HAT1: variants seen among roughly 807,000 people sequenced by gnomAD.
The protein encoded by HAT1 is histone acetyltransferase 1.
In HAT1, 20 loss-of-function variants were observed where a neutral mutation model predicts 56.6. The ratio of observed to expected loss-of-function variants is 0.35; its 90% CI spans 0.25 to 0.51. The LOEUF is 0.51. HAT1 is among the 20% of genes least tolerant of loss of function. The pLI is 0.95. For missense variants in HAT1, 408 were observed against 504.3 expected, an observed-to-expected ratio of 0.81 and a Z score of 1.83; for synonymous variants, 146 against 165.5, an observed-to-expected ratio of 0.88 and a Z score of 0.91.
rs142896341 is a variant in HAT1 at position 171,979,066 on chromosome 2, T to C, written c.976-181T>C. On this transcript the variant is annotated intron_variant, in intron 9 of 10. Transcript: ENST00000264108. Reference sequence around the variant, plus strand: ...TGATCGTGCCACATTAAATTATCCATACCATAATCATTTGTGTTACCCACT... The same window carrying C: ...TGATCGTGCCACATTAAATTATCCACACCATAATCATTTGTGTTACCCACT... Among the ~76,000 whole-genome samples the C allele has an allele frequency of 2.6e-5, 4 of 152,240 alleles. No homozygotes were observed. In the South Asian group the frequency reaches 8.3e-4, roughly 32 times the overall value.
At chr2:171,946,512 A>G (rs1191581588) in intron 2 of HAT1, among the ~76,000 whole-genome samples, 196 bp from the exon 3 acceptor site, 1 of 152,222 alleles carries the variant, frequency 6.6e-6, no homozygotes, top group African/African-American at 2.4e-5. Context: ...ACTCAAAGTA[A>G]TATTTTAATT....
intron 2 of HAT1, among the ~76,000 whole-genome samples, chr2:171,945,610 C>T (rs971085610): frequency 2.6e-5 from 4 of 151,664 alleles, no homozygotes; most frequent in African/African-American, 9.7e-5. Flanking sequence ...TCTCCTGCCT[C>T]AGCCCTCTAA....
chr2:171,959,918 C>T (rs949324093), intron 4 of HAT1, among the ~76,000 whole-genome samples: 2 of 152,162 alleles, frequency 1.3e-5, no homozygotes, highest in Non-Finnish European at 2.9e-5. Context: ...TACAAAGGCT[C>T]TAAAAATACA....
chr2:171,925,321 C>T (rs1181980929), intron 1 of HAT1, among the ~76,000 whole-genome samples: 1 of 152,200 alleles, frequency 6.6e-6, no homozygotes, highest in African/African-American at 2.4e-5. Flanking sequence ...CCACCCACCT[C>T]AGCCTCCCAG....
chr2:171,966,733 GA>G (rs1687691788), intron 7 of HAT1, 109 bp from the exon 8 acceptor site: 11 of 648,692 alleles, frequency 1.7e-5, no homozygotes, highest in South Asian at 6.0e-5. Flanking sequence ...AAGGTGGATT[GA>G]AAAAAAGATC....
chr2:171,983,476 T>C lies in HAT1; in HGVS notation c.*124T>C, dbSNP rs990003746. Reference sequence around the variant, plus strand: ...TATACTAAAAGTTATCTATCTTTAGTTGAATATTTTCTTTTGGAGAGATTG... The same window carrying C: ...TATACTAAAAGTTATCTATCTTTAGCTGAATATTTTCTTTTGGAGAGATTG... On this transcript the variant is annotated 3_prime_UTR_variant, in exon 11 of 11. Transcript: ENST00000264108. 6 of 486,878 alleles carry C rather than the reference T, an allele frequency of 1.2e-5. No individual in the cohort carries two copies. Among genetic ancestry groups the C allele is most frequent in the African/African-American group, 2.0e-5 (1 of 50,278 alleles). The allele number at this position is 486,878 out of a possible 1,614,324, so 30.2% of individuals were successfully genotyped here. A position where few individuals can be genotyped will look rare whatever the true frequency, so the allele number is the denominator to read the frequency against.
chr2:171,960,631 T>C (rs1297095886), intron 4 of HAT1, among the ~76,000 whole-genome samples: 1 of 152,202 alleles, frequency 6.6e-6, no homozygotes, highest in African/African-American at 2.4e-5. Context: ...CTAGCCACCA[T>C]CTTTAAAGGA....
chr2:171,964,612 T>A (rs1414198105), intron 4 of HAT1, among the ~76,000 whole-genome samples: 1 of 152,100 alleles, frequency 6.6e-6, no homozygotes, highest in African/African-American at 2.4e-5. Flanking sequence ...TTCAATCAAG[T>A]GGTCTTTTGG....
intron 4 of HAT1, among the ~76,000 whole-genome samples, chr2:171,953,374 A>G (rs1163758885): frequency 6.6e-6 from 1 of 151,902 alleles, no homozygotes; most frequent in Non-Finnish European, 1.5e-5. Flanking sequence ...CAATAAACAA[A>G]TAGTTTCTAA....
At chr2:171,930,838 C>A (rs1233127676) in intron 2 of HAT1, among the ~76,000 whole-genome samples, 5 of 151,762 alleles carry the variant, frequency 3.3e-5, no homozygotes, top group Admixed American at 3.3e-4. Flanking sequence ...TGGTCTTGAA[C>A]TCCTGGGCTC....
At chr2:171,950,215 C>A (rs1208146597) in intron 3 of HAT1, among the ~76,000 whole-genome samples, 1 of 152,160 alleles carries the variant, frequency 6.6e-6, no homozygotes, top group Non-Finnish European at 1.5e-5. Flanking sequence ...GTTGCCCAGG[C>A]TGGAATGCAG....
At chr2:171,942,571 T>G (rs1687043847) in intron 2 of HAT1, among the ~76,000 whole-genome samples, 1 of 152,216 alleles carries the variant, frequency 6.6e-6, no homozygotes, top group Non-Finnish European at 1.5e-5. Context: ...TATTTAATCA[T>G]TCACCTGTGA....
Position 171,946,697 on chromosome 2 carries a change from C to T in HAT1, c.113-11C>T, listed in dbSNP as rs1687173509. The T allele has an allele frequency of 2.0e-6, 3 of 1,508,478 alleles. No homozygotes were observed. The highest frequency in any genetic ancestry group is 1.4e-5 in the African/African-American group (1 of 72,508). The allele number at this position is 1,508,478 out of a possible 1,614,324, so 93.4% of individuals were successfully genotyped here. A position where few individuals can be genotyped will look rare whatever the true frequency, so the allele number is the denominator to read the frequency against. On this transcript the variant is annotated splice_polypyrimidine_tract_variant and intron_variant, in intron 2 of 10. Coordinates refer to ENST00000264108, the MANE Select transcript of HAT1 (RefSeq NM_003642.4). ...TCTTTAATATCTCTATTTTTTTGTC[C>T]CTTGAAACAGTTCGTTTTCCTGAAG...
In HAT1 at chr2:171,974,205, AAG is replaced by A. The variant is rs1471334566; in HGVS notation, c.824-1950_824-1949del. ...AAAAAAAAAAAAAGAAAAAAAGAAA[AAG>A]AAAAAAAAAAAAAGAAATATCTCCA... On this transcript the variant is annotated intron_variant, in intron 8 of 10. Transcript: ENST00000264108. 5.0e-3 allele frequency among the ~76,000 whole-genome samples: 378 copies of A among 75,616 alleles called. 4 individuals carry two copies. The highest frequency in any genetic ancestry group is 0.015 in the African/African-American group (355 of 23,764). 49.6% of individuals were successfully genotyped at this position (75,616 alleles called of 152,430 possible).
In HAT1 at chr2:171,952,908, A is replaced by G; in HGVS notation, c.216A>G (p.Leu72=). The change falls in exon 4 of 11, where the codon CTA becomes CTG. Residue 72 remains leucine, a synonymous_variant. Coordinates refer to ENST00000264108, the MANE Select transcript of HAT1 (RefSeq NM_003642.4). The part of the protein sequence containing the change: ...DDETAFGYKG[L]KILLYYIAGS... The stretch of plus-strand genomic sequence containing the variant: ...AAACTGCTTTTGGTTACAAGGGTCT[A>G]AAGATCCTGTTATACTATATTGCTG... 5 of 1,592,060 alleles carry G rather than the reference A, an allele frequency of 3.1e-6. No homozygotes were observed. Among genetic ancestry groups the G allele is most frequent in the Non-Finnish European group, 4.3e-6 (5 of 1,163,676 alleles).
rs753027670 is a variant in HAT1 at position 171,983,266 on chromosome 2, A to C, written c.1174A>C (p.Ser392Arg). The change falls in exon 11 of 11, where the codon AGC becomes CGC. Residue 392 changes from serine to arginine, a missense_variant. Physicochemically the swap from Ser to Arg is moderately radical, Grantham distance 110. Transcript: ENST00000264108. ...LTNQMNQIEI[S>R]MQHEQLEESF... ...AAACCAGATGAACCAAATAGAAATA[A>C]GCATGCAACATGAACAGCTGGAAGA... 2 of 1,603,568 alleles carry C rather than the reference A, an allele frequency of 1.2e-6. No individual in the cohort carries two copies. The highest frequency in any genetic ancestry group is 1.7e-6 in the Non-Finnish European group (2 of 1,171,066).
chr2:171,971,842 A>C (rs1309891134), intron 8 of HAT1, among the ~76,000 whole-genome samples: 1 of 152,226 alleles, frequency 6.6e-6, no homozygotes, highest in Non-Finnish European at 1.5e-5. Flanking sequence ...GTAGGGTTAA[A>C]AATGGGTCCT....
chr2:171,938,024 T>TCTCTC (rs1558163719), intron 2 of HAT1, among the ~76,000 whole-genome samples: 2 of 104,802 alleles, frequency 1.9e-5, no homozygotes, highest in Non-Finnish European at 1.8e-5. Context: ...TGTCTACTGA[T>TCTCTC]TCTCTCTCTC....
intron 2 of HAT1, among the ~76,000 whole-genome samples, chr2:171,944,431 A>C (rs1484714172): frequency 1.3e-5 from 2 of 152,170 alleles, no homozygotes; most frequent in African/African-American, 4.8e-5. Context: ...TTAAGATAAA[A>C]ATTTTTGGTG....
Sources: gnomAD v4.1 joint callset for allele counts (sites outside exome capture counted in the v4.1 genomes callset) on GRCh38, gnomAD v4.1.1 for gene constraint, MANE v1.5 for transcripts, NCBI Gene and HGNC (gene_info 2026-07-23, HGNC 2026-07-21) for gene names.